The following IGSF9 variants were observed in gnomAD, a reference collection of about 807,000 sequenced individuals.
The protein encoded by IGSF9 is protein turtle homolog A.
IGSF9 carries 87 observed loss-of-function variants against 121.7 expected under a neutral mutation model. The observed-to-expected ratio is 0.71, with a 90% CI of 0.60 to 0.85. IGSF9 has a LOEUF of 0.85. IGSF9 is among the 40% of genes least tolerant of loss of function. IGSF9 has a pLI of 0.00. For missense variants in IGSF9, 1,462 were observed against 1,565.3 expected (o/e 0.93, Z 1.11); for synonymous variants, 640 against 648.4 (o/e 0.99, Z 0.20).
Position 159,934,308 on chromosome 1 carries a change from G to A in IGSF9, c.986C>T (p.Pro329Leu), listed in dbSNP as rs1258638969. ...GCCTATGGGCAGGGGTGTCTCAGGA[G>A]GCATAGCTGTCACCTGGGCTGGGTC... The part of the protein sequence containing the change: ...VLYPAQVTAM[P>L]PETPLPIGMP... The change falls in exon 9 of 21, where the codon CCT becomes CTT. Residue 329 changes from proline to leucine, a missense_variant. Physicochemically the swap from Pro to Leu is moderately conservative, Grantham distance 98. This residue lies in a region of IGSF9 where 558 missense variants were observed against 599.4 expected (regional missense o/e 0.93). Coordinates refer to ENST00000368094, the MANE Select transcript of IGSF9 (RefSeq NM_001135050.2). 1.2e-6 allele frequency: 2 copies of A among 1,605,748 alleles called. No individual in the cohort carries two copies. Among genetic ancestry groups the A allele is most frequent in the Non-Finnish European group, 1.7e-6 (2 of 1,175,666 alleles).
At chr1:159,940,640 A>G (rs1028755162) in intron 3 of IGSF9, among the ~76,000 whole-genome samples, 1 of 152,242 alleles carries the variant, frequency 6.6e-6, no homozygotes, top group Non-Finnish European at 1.5e-5. Context: ...GCGCCCAGAC[A>G]TTGCACTATG....
At chr1:159,941,521 C>A (rs1651379853) in intron 3 of IGSF9, among the ~76,000 whole-genome samples, 1 of 152,238 alleles carries the variant, frequency 6.6e-6, no homozygotes, top group Non-Finnish European at 1.5e-5. Context: ...GTAGCTCAAG[C>A]AACAGCACAG....
rs754093643 is a variant in IGSF9 at position 159,936,556 on chromosome 1, C to G, written c.556-40G>C. 3 of 1,592,648 alleles carry G rather than the reference C, an allele frequency of 1.9e-6. No individual in the cohort carries two copies. The African/African-American group carries it at 4.0e-5, about 21-fold the overall frequency. On this transcript the variant is annotated intron_variant, in intron 5 of 20. Coordinates refer to ENST00000368094, the MANE Select transcript of IGSF9 (RefSeq NM_001135050.2). The stretch of plus-strand genomic sequence containing the variant: ...GGTGAGGAAGAGTCCTTTCCCCTGC[C>G]AGCCTCAGATCCTGCACTTCCGAGT...
At chr1:159,935,276 C>T (rs933459150) in intron 6 of IGSF9, among the ~76,000 whole-genome samples, 1 of 152,190 alleles carries the variant, frequency 6.6e-6, no homozygotes, top group Non-Finnish European at 1.5e-5. Flanking sequence ...AGAAACAGCC[C>T]CTTGAGCCAC....
chr1:159,929,163 A>C lies in IGSF9; in HGVS notation c.2370-145T>G. Reference sequence around the variant, plus strand: ...AAGGACCAACAAGGTGGAGGGGTGGAGGGAAGGCACAGGCCATACTGGAAC... The same window carrying C: ...AAGGACCAACAAGGTGGAGGGGTGGCGGGAAGGCACAGGCCATACTGGAAC... On this transcript the variant is annotated intron_variant, in intron 18 of 20. Coordinates refer to ENST00000368094, the MANE Select transcript of IGSF9 (RefSeq NM_001135050.2). 5 of 1,312,328 alleles carry C rather than the reference A, an allele frequency of 3.8e-6. No individual in the cohort carries two copies. In the South Asian group the frequency reaches 6.6e-5, roughly 17 times the overall value. The allele number at this position is 1,312,328 out of a possible 1,614,324, so 81.3% of individuals were successfully genotyped here.
At position 159,929,831 on chromosome 1, in the gene IGSF9, G is replaced by A. The variant is rs990340737; in HGVS notation, c.2150-17C>T. 5 of 1,598,726 alleles carry A rather than the reference G, an allele frequency of 3.1e-6. No individual in the cohort carries two copies. Among genetic ancestry groups the A allele is most frequent in the African/African-American group, 2.7e-5 (2 of 74,656 alleles). On this transcript the variant is annotated splice_polypyrimidine_tract_variant and intron_variant, in intron 16 of 20. Coordinates refer to ENST00000368094, the MANE Select transcript of IGSF9 (RefSeq NM_001135050.2). Reference sequence around the variant, plus strand: ...CCTCCAGACCTAGGCAGGGGTCCACGAGGGAGGGTCAGTGGACTCGGAGCA... The same window carrying A: ...CCTCCAGACCTAGGCAGGGGTCCACAAGGGAGGGTCAGTGGACTCGGAGCA...
rs1651042594 is a variant in IGSF9, at chr1:159,932,766, A to G, written c.1105-114T>C. The G allele has an allele frequency of 9.7e-7, 1 of 1,035,718 alleles. No individual in the cohort carries two copies. Among genetic ancestry groups the G allele is most frequent in the Non-Finnish European group, 1.4e-6 (1 of 725,582 alleles). 64.2% of individuals were successfully genotyped at this position (1,035,718 alleles called of 1,614,324 possible). On this transcript the variant is annotated intron_variant, in intron 9 of 20. Transcript: ENST00000368094. This position sits in a 1 kb window ranked among gnomAD's most constrained non-coding sequence, Gnocchi z 4.1. ...AACCCACAGCTGTGCAGAAGACTCC[A>G]GCAGCTCCATGTCTAGGCCTGACCC...
chr1:159,934,237 G>A lies in IGSF9; in HGVS notation c.1057C>T (p.Leu353Phe). The A allele has an allele frequency of 1.2e-6, 2 of 1,614,100 alleles. No individual in the cohort carries two copies. The highest frequency in any genetic ancestry group is 1.3e-5 in the African/African-American group (1 of 75,058). Reference sequence around the variant, plus strand: ...CCATCCTTGGTCCAGCTGACAAAGAGCAGTGGGGGGTTGGCACGAACCGGG... The same window carrying A: ...CCATCCTTGGTCCAGCTGACAAAGAACAGTGGGGGGTTGGCACGAACCGGG... ...RCPVRANPPL[L>F]FVSWTKDGKA... The change falls in exon 9 of 21, where the codon CTC (leucine) becomes TTC (phenylalanine). Residue 353 changes from leucine (L) to phenylalanine (F), a missense_variant. Transcript: ENST00000368094.
chr1:159,937,855 G>C lies in IGSF9; in HGVS notation c.248-17C>G, dbSNP rs1325651488. The C allele has an allele frequency of 6.2e-7, 1 of 1,610,594 alleles. No homozygotes were observed. Among genetic ancestry groups the C allele is most frequent in the South Asian group, 1.1e-5 (1 of 90,758 alleles). ...GGACTCGTCCTGGGGGAGGAGCCCT[G>C]AATCAAGGGTGCTGAAGGAACCCCA... On this transcript the variant is annotated splice_polypyrimidine_tract_variant and intron_variant, in intron 3 of 20. Coordinates refer to ENST00000368094, the MANE Select transcript of IGSF9 (RefSeq NM_001135050.2).
At chr1:159,941,777 G>A (rs778524725) in intron 3 of IGSF9, among the ~76,000 whole-genome samples, 2 of 152,272 alleles carry the variant, frequency 1.3e-5, no homozygotes, top group Non-Finnish European at 2.9e-5. Context: ...GAGGCAGGGA[G>A]GGAGGGCTGG....
At position 159,928,074 on chromosome 1, in the gene IGSF9, A is replaced by C; in HGVS notation, c.3230+84T>G. On this transcript the variant is annotated intron_variant, in intron 19 of 20. Transcript: ENST00000368094. ...CGTTCCCAGGGTGGGAGTGGAGCAG[A>C]GAAGGTGCAGGGTATTGGGAGAGGG... 3 of 1,526,226 alleles carry C rather than the reference A, an allele frequency of 2.0e-6. No individual in the cohort carries two copies. In the South Asian group the frequency reaches 3.7e-5, roughly 19 times the overall value. The allele number at this position is 1,526,226 out of a possible 1,614,324, so 94.5% of individuals were successfully genotyped here. A position where few individuals can be genotyped will look rare whatever the true frequency, so the allele number is the denominator to read the frequency against.
In IGSF9 at chr1:159,943,073, G is replaced by A. The variant is rs762164498; in HGVS notation, c.137C>T (p.Pro46Leu). The A allele has an allele frequency of 4.6e-5, 74 of 1,611,762 alleles. No homozygotes were observed. The highest frequency in any genetic ancestry group is 5.9e-5 in the Non-Finnish European group (69 of 1,179,028). Reference protein sequence around the residue: ...SVVLGCDLLPPAGRPPLHVIE... With the variant: ...SVVLGCDLLPLAGRPPLHVIE... ...GACATGCAGGGGGGGCCGGCCGGCC[G>A]GGGGCAGCAGGTCACAGCCCAGCAC... Residue 46 changes from proline (P) to leucine (L), a missense_variant, in exon 3 of 21, where the codon CCG becomes CTG. Pro to Leu is a moderately conservative substitution (Grantham distance 98). Coordinates refer to ENST00000368094, the MANE Select transcript of IGSF9 (RefSeq NM_001135050.2).
intron 3 of IGSF9, among the ~76,000 whole-genome samples, chr1:159,938,540 A>G (rs944298117): frequency 1.3e-5 from 2 of 152,004 alleles, no homozygotes; most frequent in African/African-American, 4.8e-5. Context: ...CATCCACACC[A>G]CACTGCCAGG....
At chr1:159,935,482 C>T (rs969404901) in intron 6 of IGSF9, among the ~76,000 whole-genome samples, 2 of 152,212 alleles carry the variant, frequency 1.3e-5, no homozygotes, top group East Asian at 3.9e-4. Flanking sequence ...GCTCCCTGCA[C>T]CCCCGGTCTG....
intron 5 of IGSF9, 102 bp from the exon 6 acceptor site, chr1:159,936,618 G>T: frequency 6.6e-7 from 1 of 1,518,716 alleles, no homozygotes; most frequent in Non-Finnish European, 9.0e-7. Flanking sequence ...CAGGCTCGGG[G>T]CAAACAATGC....
chr1:159,944,553 C>T (rs1020740456), intron 1 of IGSF9, among the ~76,000 whole-genome samples: 3 of 152,164 alleles, frequency 2.0e-5, no homozygotes, highest in African/African-American at 7.2e-5. Flanking sequence ...CTTTCTTCCC[C>T]AACCCCAGAG....
At position 159,932,409 on chromosome 1, in the gene IGSF9, C is replaced by T; in HGVS notation, c.1245+103G>A. ...TGGGAAACAAACTTGGAAACCCCTC[C>T]CCATGTGTCTGCCCCACCCCACCCC... is the stretch of plus-strand genomic sequence containing the variant. On this transcript the variant is annotated intron_variant, in intron 10 of 20. Transcript: ENST00000368094. The surrounding 1 kb of genome is among the most constrained non-coding windows in gnomAD (Gnocchi z 4.1). The T allele has an allele frequency of 3.4e-6, 4 of 1,181,086 alleles. No homozygotes were observed. Among genetic ancestry groups the T allele is most frequent in the South Asian group, 2.8e-5 (2 of 72,574 alleles). 73.2% of individuals were successfully genotyped at this position (1,181,086 alleles called of 1,614,324 possible).
rs746290754 is a variant in IGSF9, at chr1:159,927,743, C to G, written c.3358+17G>C. 17 of 1,609,556 alleles carry G rather than the reference C, an allele frequency of 1.1e-5. No homozygotes were observed. Among genetic ancestry groups the G allele is most frequent in the Non-Finnish European group, 1.4e-5 (17 of 1,178,440 alleles). On this transcript the variant is annotated intron_variant, in intron 20 of 20. Transcript: ENST00000368094. ...CAGTATGGCCGAGATGCCTGCCTTT[C>G]CGGGGGGCTCACACACCTAGCTCTG...
intron 3 of IGSF9, among the ~76,000 whole-genome samples, chr1:159,938,188 T>C (rs528648755): frequency 6.6e-6 from 1 of 152,244 alleles, no homozygotes; most frequent in Non-Finnish European, 1.5e-5. Context: ...TCTTACAGGA[T>C]CTGTCCACCT....
Sources: allele counts gnomAD v4.1 joint callset (sites outside exome capture counted in the v4.1 genomes callset), GRCh38; gene constraint gnomAD v4.1.1; regional missense constraint gnomAD v4.1.1; non-coding constraint Gnocchi (gnomAD v3.1); transcripts MANE v1.5; gene names NCBI Gene and HGNC (gene_info 2026-07-23, HGNC 2026-07-21).